AGBL4: variants seen among roughly 807,000 people sequenced by gnomAD.
The protein encoded by AGBL4 is cytosolic carboxypeptidase 6.
Under a neutral mutation model 66.4 loss-of-function variants are expected in AGBL4, and 58 were observed. That is an observed-to-expected ratio of 0.87 (90% confidence interval 0.71 to 1.09). The LOEUF (loss-of-function observed/expected upper bound fraction) is 1.09. Among genes scored for constraint, AGBL4 ranks in the 50% least tolerant of loss-of-function variants. The probability of loss-of-function intolerance (pLI) is 0.00; values close to 1 mark genes in which losing one functional copy is unlikely to be tolerated. For synonymous variants in AGBL4, 234 were observed against 222.9 expected (o/e 1.05, Z -0.44); for missense variants, 579 against 631.0 (o/e 0.92, Z 0.88).
intron 3 of AGBL4, among the ~76,000 whole-genome samples, chr1:49,298,095 T>C (rs1221434589): frequency 6.6e-6 from 1 of 152,166 alleles, no homozygotes; most frequent in African/African-American, 2.4e-5. Context: ...AAACTCACAC[T>C]TCTGTAAATT....
chr1:49,637,234 T>C (rs1645692195), intron 3 of AGBL4, among the ~76,000 whole-genome samples: 1 of 152,210 alleles, frequency 6.6e-6, no homozygotes, highest in African/African-American at 2.4e-5. Context: ...GTCTTATTAG[T>C]TCTGTTCCTT....
intron 3 of AGBL4, among the ~76,000 whole-genome samples, chr1:49,447,580 A>G (rs1371280927): frequency 6.6e-6 from 1 of 152,156 alleles, no homozygotes; most frequent in Non-Finnish European, 1.5e-5. Context: ...GTTACCCAAC[A>G]TGAGTTCCCT....
intron 4 of AGBL4, among the ~76,000 whole-genome samples, chr1:49,186,862 G>A (rs888974222): frequency 3.3e-5 from 5 of 152,174 alleles, no homozygotes; most frequent in South Asian, 2.1e-4. Flanking sequence ...CAGGTTGACC[G>A]AAGCCAACCT....
At position 48,818,206 on chromosome 1, in the gene AGBL4, C is replaced by A. The variant is rs1259157580; in HGVS notation, c.634+48985G>T. The A allele has an allele frequency of 2.5e-5, 18 of 717,324 alleles. No individual in the cohort carries two copies. In the East Asian group the frequency reaches 4.8e-4, roughly 19 times the overall value. The allele number at this position is 717,324 out of a possible 1,614,324, so 44.4% of individuals were successfully genotyped here. On this transcript the variant is annotated intron_variant, in intron 6 of 13. Coordinates refer to ENST00000371839, the MANE Select transcript of AGBL4 (RefSeq NM_032785.4). ...TCTCCTTCAGAAGCAAATGATTTCA[C>A]CAGCTCCATCTTCCAGCTGCGTAAA...
intron 4 of AGBL4, among the ~76,000 whole-genome samples, chr1:49,203,098 A>AAG (rs984503604): frequency 2.0e-5 from 3 of 151,348 alleles, no homozygotes; most frequent in Admixed American, 6.6e-5. Context: ...CAAAAAAAAA[A>AAG]AAAAAGAAAC....
chr1:48,900,012 G>C (rs1465026373), intron 5 of AGBL4, among the ~76,000 whole-genome samples: 4 of 152,116 alleles, frequency 2.6e-5, no homozygotes, highest in Non-Finnish European at 5.9e-5. Context: ...CCATGAGGAG[G>C]AAACATTTGA....
intron 8 of AGBL4, among the ~76,000 whole-genome samples, chr1:48,643,403 C>A (rs1485346820): frequency 6.6e-6 from 1 of 152,114 alleles, no homozygotes; most frequent in Non-Finnish European, 1.5e-5. Flanking sequence ...CAGCCTAGAC[C>A]ACATGCAACA....
intron 4 of AGBL4, among the ~76,000 whole-genome samples, chr1:49,216,189 G>A (rs768002186): frequency 2.6e-5 from 4 of 152,106 alleles, no homozygotes; most frequent in African/African-American, 7.2e-5. Flanking sequence ...TTGAACTTAA[G>A]TCTCTCCCAG....
chr1:49,525,539 ACAGGTCTATAGTAGCCTCTTGTTTGGGC>A (rs1326935452), intron 3 of AGBL4, among the ~76,000 whole-genome samples: 1 of 151,984 alleles, frequency 6.6e-6, no homozygotes, highest in East Asian at 1.9e-4. Context: ...CAGAAATAAG[ACAGGTCTATAGTAGCCTCTTGTTTGGGC>A]ATGGAAATAA....
chr1:48,586,167 C>A (rs749496674), intron 11 of AGBL4: 1 of 152,168 alleles, frequency 6.6e-6, no homozygotes, highest in Non-Finnish European at 1.5e-5. Flanking sequence ...ACTCGGGAAA[C>A]TAGAGTTACT....
intron 3 of AGBL4, among the ~76,000 whole-genome samples, chr1:49,404,209 G>C (rs1039551088): frequency 3.3e-5 from 5 of 152,094 alleles, no homozygotes; most frequent in Admixed American, 1.3e-4. Context: ...AAGATTAAAT[G>C]AGGTAATAAA....
At chr1:49,487,478 A>G (rs984682335) in intron 3 of AGBL4, among the ~76,000 whole-genome samples, 35 of 151,890 alleles carry the variant, frequency 2.3e-4, no homozygotes, top group African/African-American at 8.0e-4. Context: ...TTCTCCTCAG[A>G]CAGACAAGAC....
intron 6 of AGBL4, among the ~76,000 whole-genome samples, chr1:48,775,041 G>A: frequency 6.6e-6 from 1 of 152,180 alleles, no homozygotes; most frequent in East Asian, 1.9e-4. Flanking sequence ...ATCGTCTTGG[G>A]AAATAAATTC....
At chr1:49,578,527 G>A (rs184507398) in intron 3 of AGBL4, among the ~76,000 whole-genome samples, 1 of 152,208 alleles carries the variant, frequency 6.6e-6, no homozygotes, top group East Asian at 1.9e-4. Flanking sequence ...TAATTGTCAT[G>A]AGTATTTCCT....
chr1:49,692,210 T>C (rs1646901988), intron 3 of AGBL4, among the ~76,000 whole-genome samples: 1 of 152,166 alleles, frequency 6.6e-6, no homozygotes, highest in African/African-American at 2.4e-5. Flanking sequence ...ATTACTTTCA[T>C]TTTACAGATG....
intron 3 of AGBL4, among the ~76,000 whole-genome samples, chr1:49,632,301 G>C (rs1645585725): frequency 6.6e-6 from 1 of 152,102 alleles, no homozygotes; most frequent in South Asian, 2.1e-4. Flanking sequence ...TGGGAAGGGG[G>C]AACCTTTCTC....
intron 3 of AGBL4, among the ~76,000 whole-genome samples, chr1:49,252,030 T>A (rs1408925557): frequency 6.6e-6 from 1 of 152,048 alleles, no homozygotes; most frequent in Non-Finnish European, 1.5e-5. Context: ...ACATCACCTT[T>A]CCAGCAAGCA....
chr1:48,749,352 G>A (rs971437068), intron 6 of AGBL4, among the ~76,000 whole-genome samples: 10 of 152,070 alleles, frequency 6.6e-5, no homozygotes, highest in Admixed American at 5.2e-4. Context: ...AGCACCCAGC[G>A]CAATGTCCTC....
At chr1:49,583,214 C>G (rs572841267) in intron 3 of AGBL4, among the ~76,000 whole-genome samples, 1 of 152,122 alleles carries the variant, frequency 6.6e-6, no homozygotes, top group Non-Finnish European at 1.5e-5. Flanking sequence ...TGCTTACCAG[C>G]TTAACATATG....
Sources: allele counts gnomAD v4.1 joint callset (sites outside exome capture counted in the v4.1 genomes callset), GRCh38; gene constraint gnomAD v4.1.1; transcripts MANE v1.5; gene names NCBI Gene and HGNC (gene_info 2026-07-23, HGNC 2026-07-21).